Variants in TOP6BL observed in about 807,000 individuals in gnomAD.
TOP6BL encodes the protein type 2 DNA topoisomerase 6 subunit B-like.
chr11:66,843,376 C>T, the TOP6BL span: 98 of 1,433,220 alleles, frequency 6.8e-5, no homozygotes, highest in Non-Finnish European at 7.9e-5. Context: ...CGGGGCGGGG[C>T]GTGGAGCCGC....
the TOP6BL span, among the ~76,000 whole-genome samples, chr11:66,782,572 C>G: frequency 6.6e-6 from 1 of 152,106 alleles, no homozygotes; most frequent in Non-Finnish European, 1.5e-5. Context: ...TTCCATGTCC[C>G]TGTTCTGTAG....
At chr11:66,816,870 C>T in the TOP6BL span, among the ~76,000 whole-genome samples, 1 of 152,076 alleles carries the variant, frequency 6.6e-6, no homozygotes, top group African/African-American at 2.4e-5. Context: ...TAAAGTTTCT[C>T]AGGCTGGGTG....
chr11:66,821,595 T>C, the TOP6BL span: 1 of 1,546,938 alleles, frequency 6.5e-7, no homozygotes. Context: ...AGATGCACAG[T>C]GAGGGGAGGT....
At chr11:66,750,894 G>C in the TOP6BL span, among the ~76,000 whole-genome samples, 1 of 148,546 alleles carries the variant, frequency 6.7e-6, no homozygotes, top group Non-Finnish European at 1.5e-5. Flanking sequence ...CTAGAGACAG[G>C]GTCTCTTGCT....
chr11:66,796,002 T>C, the TOP6BL span: 1 of 296,026 alleles, frequency 3.4e-6, no homozygotes, highest in Non-Finnish European at 6.3e-6. Context: ...GAATTACTTT[T>C]AAATTTGTCC....
chr11:66,758,962 G>T, the TOP6BL span: 2 of 1,081,338 alleles, frequency 1.8e-6, no homozygotes, highest in Non-Finnish European at 1.3e-6. Context: ...TCTGTAAGCA[G>T]TTTTTTAGAC....
the TOP6BL span, among the ~76,000 whole-genome samples, chr11:66,786,383 A>G: frequency 6.6e-6 from 1 of 152,034 alleles, no homozygotes; most frequent in East Asian, 1.9e-4. Context: ...ATTATTTTAT[A>G]TGTTTGAACA....
chr11:66,837,284 G>A, the TOP6BL span, among the ~76,000 whole-genome samples: 3 of 151,588 alleles, frequency 2.0e-5, no homozygotes, highest in Non-Finnish European at 2.9e-5. Context: ...CTGCCACCAC[G>A]CCTGGCTAAT....
the TOP6BL span, among the ~76,000 whole-genome samples, chr11:66,789,485 A>G: frequency 1.3e-5 from 2 of 152,318 alleles, no homozygotes; most frequent in Middle Eastern, 3.4e-3. Flanking sequence ...AGGAATGGGT[A>G]TGGTATCAGG....
chr11:66,761,232 G>A, the TOP6BL span, among the ~76,000 whole-genome samples: 1 of 152,004 alleles, frequency 6.6e-6, no homozygotes, highest in African/African-American at 2.4e-5. Context: ...TTAGCCGGGC[G>A]TGGTGGCGGG....
At chr11:66,777,079 ATATATATC>A in the TOP6BL span, among the ~76,000 whole-genome samples, 180 of 149,590 alleles carry the variant, frequency 1.2e-3, 2 homozygotes, top group Middle Eastern at 0.021. Context: ...ATCTATATCT[ATATATATC>A]TATATATCTA....
chr11:66,754,721 A>T, the TOP6BL span, among the ~76,000 whole-genome samples: 2 of 152,158 alleles, frequency 1.3e-5, no homozygotes, highest in African/African-American at 2.4e-5. Context: ...AATGAGAGAG[A>T]AAAGGGGGTA....
the TOP6BL span, among the ~76,000 whole-genome samples, chr11:66,786,518 G>A: frequency 6.6e-6 from 1 of 152,188 alleles, no homozygotes; most frequent in African/African-American, 2.4e-5. Flanking sequence ...TGTGTGTGTG[G>A]AGTGAGACTA....
the TOP6BL span, among the ~76,000 whole-genome samples, chr11:66,745,517 C>T: frequency 6.6e-6 from 1 of 152,192 alleles, no homozygotes; most frequent in Non-Finnish European, 1.5e-5. Context: ...CCGGCCACGC[C>T]CCGTGTGCTC....
chr11:66,843,132 TGA>T, the TOP6BL span: 137 of 1,607,722 alleles, frequency 8.5e-5, no homozygotes, highest in East Asian at 2.1e-3. Flanking sequence ...GGGCCGCTGC[TGA>T]GAGGTCCTCA....
chr11:66,797,521 CT>C, the TOP6BL span, among the ~76,000 whole-genome samples: 18 of 149,942 alleles, frequency 1.2e-4, no homozygotes, highest in Non-Finnish European at 2.4e-4. Flanking sequence ...TTTTTTTTTC[CT>C]GAGACAGGGT....
At chr11:66,803,763 G>T in the TOP6BL span, among the ~76,000 whole-genome samples, 1 of 152,100 alleles carries the variant, frequency 6.6e-6, no homozygotes, top group Non-Finnish European at 1.5e-5. Context: ...AGAAGCATCC[G>T]TTAGTGGCAG....
chr11:66,803,991 A>T, the TOP6BL span: 1 of 1,593,612 alleles, frequency 6.3e-7, no homozygotes, highest in Admixed American at 1.8e-5. Context: ...CTGTTTTCTG[A>T]CAGTAGACCA....
the TOP6BL span, among the ~76,000 whole-genome samples, chr11:66,773,215 A>G: frequency 6.6e-6 from 1 of 151,810 alleles, no homozygotes; most frequent in African/African-American, 2.4e-5. Context: ...CTGCACCACC[A>G]CACCTGGTTT....
Sources: allele counts gnomAD v4.1 joint callset (sites outside exome capture counted in the v4.1 genomes callset), GRCh38; gene constraint gnomAD v4.1.1; transcripts MANE v1.5; gene names NCBI Gene and HGNC (gene_info 2026-07-23, HGNC 2026-07-21).